The following OSTF1 variants were observed in gnomAD, a reference collection of about 807,000 sequenced individuals.
OSTF1 encodes the protein osteoclast stimulating factor 1, also known as osteoclast-stimulating factor 1.
In OSTF1, 27 loss-of-function variants were observed where a neutral mutation model predicts 37.2. The ratio of observed to expected loss-of-function variants is 0.73; its 90% CI spans 0.54 to 1.00. OSTF1 has a LOEUF of 1.00. OSTF1 is among the 50% of genes least tolerant of loss of function. The pLI, the probability that OSTF1 is intolerant of heterozygous loss-of-function variation, is 0.00. For missense variants in OSTF1, 232 were observed against 253.8 expected (o/e 0.91, Z 0.58); for synonymous variants, 82 against 89.2 (o/e 0.92, Z 0.46).
At chr9:75,100,107 G>A (rs1351016720) in intron 1 of OSTF1, among the ~76,000 whole-genome samples, 3 of 152,162 alleles carry the variant, frequency 2.0e-5, no homozygotes, top group Admixed American at 2.0e-4. Flanking sequence ...GGGTATAGAA[G>A]GATATCAAAT....
intron 1 of OSTF1, among the ~76,000 whole-genome samples, chr9:75,097,827 A>T: frequency 6.6e-6 from 1 of 150,448 alleles, no homozygotes. Context: ...GACCTTTATA[A>T]GTCACTAGAC....
At chr9:75,101,977 A>C (rs1825201166) in intron 1 of OSTF1, among the ~76,000 whole-genome samples, 1 of 152,086 alleles carries the variant, frequency 6.6e-6, no homozygotes, top group African/African-American at 2.4e-5. Flanking sequence ...TTAAATTATT[A>C]TTTTCTTTAG....
intron 9 of OSTF1, among the ~76,000 whole-genome samples, chr9:75,143,619 CT>C (rs1482150293): frequency 1.3e-5 from 2 of 152,284 alleles, no homozygotes; most frequent in African/African-American, 4.8e-5. Context: ...ATCCATATGC[CT>C]GTGTTTATTT....
At chr9:75,089,680 C>T (rs1824916347) in intron 1 of OSTF1, among the ~76,000 whole-genome samples, 1 of 152,010 alleles carries the variant, frequency 6.6e-6, no homozygotes, top group Non-Finnish European at 1.5e-5. Flanking sequence ...TAAATGGCTC[C>T]GATGTATTCT....
At chr9:75,090,898 G>A (rs1168837067) in intron 1 of OSTF1, among the ~76,000 whole-genome samples, 2 of 152,116 alleles carry the variant, frequency 1.3e-5, no homozygotes, top group South Asian at 2.1e-4. Context: ...CACTTTACAC[G>A]TGTTAACACA....
intron 1 of OSTF1, among the ~76,000 whole-genome samples, chr9:75,093,936 T>C (rs1345544792): frequency 6.6e-6 from 1 of 152,224 alleles, no homozygotes; most frequent in African/African-American, 2.4e-5. Context: ...CACCCAGCAC[T>C]GTGTATGCTC....
At chr9:75,146,608 T>G in intron 9 of OSTF1, 75 bp from the exon 10 acceptor site, 1 of 988,364 alleles carries the variant, frequency 1.0e-6, no homozygotes, top group Non-Finnish European at 1.6e-6. Context: ...ATTTAAGAGC[T>G]TTGAAAATGA....
intron 9 of OSTF1, among the ~76,000 whole-genome samples, chr9:75,146,131 G>A (rs930043167): frequency 3.9e-5 from 6 of 152,214 alleles, no homozygotes; most frequent in African/African-American, 1.4e-4. Flanking sequence ...TCTTCCTTTT[G>A]AGTCCTGTTC....
intron 1 of OSTF1, among the ~76,000 whole-genome samples, chr9:75,115,326 C>G (rs758198832): frequency 3.3e-5 from 5 of 152,142 alleles, no homozygotes; most frequent in African/African-American, 1.2e-4. Context: ...GAGTCTTGCT[C>G]TGTTGCCCAG....
At chr9:75,108,130 C>T (rs1162464495) in intron 1 of OSTF1, among the ~76,000 whole-genome samples, 1 of 151,982 alleles carries the variant, frequency 6.6e-6, no homozygotes, top group Non-Finnish European at 1.5e-5. Flanking sequence ...GAGGCTGAGG[C>T]AGGAGGATCT....
intron 9 of OSTF1, among the ~76,000 whole-genome samples, chr9:75,145,991 A>G (rs956664942): frequency 5.9e-5 from 9 of 152,186 alleles, no homozygotes; most frequent in African/African-American, 1.9e-4. Flanking sequence ...GCTGTGACAT[A>G]TATTTATTGA....
chr9:75,114,215 A>G (rs1298680955), intron 1 of OSTF1, among the ~76,000 whole-genome samples: 1 of 152,116 alleles, frequency 6.6e-6, no homozygotes, highest in Non-Finnish European at 1.5e-5. Flanking sequence ...GTTGATGGAC[A>G]CTTAGGTTGA....
At chr9:75,089,281 C>A (rs1442505715) in intron 1 of OSTF1, among the ~76,000 whole-genome samples, 1 of 150,000 alleles carries the variant, frequency 6.7e-6, no homozygotes, top group East Asian at 1.9e-4. Flanking sequence ...CCTATACTCG[C>A]GCTCCTGGTG....
intron 2 of OSTF1, among the ~76,000 whole-genome samples, chr9:75,123,595 G>A (rs1196746610): frequency 6.6e-6 from 1 of 152,172 alleles, no homozygotes; most frequent in Admixed American, 6.6e-5. Context: ...GTTTCTTAAT[G>A]GAAAATGTGA....
intron 1 of OSTF1, among the ~76,000 whole-genome samples, chr9:75,110,698 T>C (rs867097325): frequency 2.0e-5 from 3 of 152,046 alleles, no homozygotes; most frequent in Non-Finnish European, 4.4e-5. Flanking sequence ...CTGTCTCTTA[T>C]AGTGAGCAGT....
At chr9:75,113,732 A>G (rs993733135) in intron 1 of OSTF1, among the ~76,000 whole-genome samples, 1 of 152,222 alleles carries the variant, frequency 6.6e-6, no homozygotes, top group Non-Finnish European at 1.5e-5. Flanking sequence ...ATGTTTTGAT[A>G]GCATACATTG....
intron 1 of OSTF1, among the ~76,000 whole-genome samples, chr9:75,089,331 A>G (rs1032737385): frequency 6.6e-6 from 1 of 151,344 alleles, no homozygotes; most frequent in Non-Finnish European, 1.5e-5. Context: ...AGCTGTTGCT[A>G]TTTGGAAGTG....
At chr9:75,120,302 C>T (rs150214957) in intron 2 of OSTF1, among the ~76,000 whole-genome samples, 1 of 152,080 alleles carries the variant, frequency 6.6e-6, no homozygotes, top group South Asian at 2.1e-4. Context: ...GTGTGAGGCC[C>T]AGGGCTGTTG....
chr9:75,121,887 C>G (rs1219916639), intron 2 of OSTF1, among the ~76,000 whole-genome samples: 2 of 152,144 alleles, frequency 1.3e-5, no homozygotes, highest in Non-Finnish European at 2.9e-5. Flanking sequence ...CCCAGGCAGG[C>G]CTGGGTCCAG....
Sources: gnomAD v4.1 joint callset for allele counts (sites outside exome capture counted in the v4.1 genomes callset) on GRCh38, gnomAD v4.1.1 for gene constraint, MANE v1.5 for transcripts, NCBI Gene and HGNC (gene_info 2026-07-23, HGNC 2026-07-21) for gene names.